Variants in HS2ST1 observed in about 807,000 individuals in gnomAD.
HS2ST1 encodes the protein 2-O-sulfotransferase.
In HS2ST1, 18 loss-of-function variants were observed where a neutral mutation model predicts 42.9. That is an observed-to-expected ratio of 0.42 (90% CI 0.29 to 0.62). HS2ST1 has a LOEUF of 0.62. Ranked by LOEUF, HS2ST1 falls within the 20% of genes least tolerant of loss-of-function variation. HS2ST1 has a pLI of 0.21. For missense variants in HS2ST1, 334 were observed against 433.8 expected (o/e 0.77, Z 2.04); for synonymous variants, 146 against 152.9 (o/e 0.95, Z 0.33).
intron 1 of HS2ST1, among the ~76,000 whole-genome samples, chr1:86,944,924 T>C (rs1253355561): frequency 1.3e-5 from 2 of 151,978 alleles, no homozygotes; most frequent in East Asian, 3.8e-4. Flanking sequence ...CCATTGTACG[T>C]TTAGCTTCAA....
intron 1 of HS2ST1, among the ~76,000 whole-genome samples, chr1:86,988,954 G>A (rs554278877): frequency 6.6e-6 from 1 of 152,302 alleles, no homozygotes; most frequent in East Asian, 1.9e-4. Context: ...GTATCACCCC[G>A]TATTCCTATA....
chr1:86,989,750 G>A (rs1648889364), intron 1 of HS2ST1, among the ~76,000 whole-genome samples: 2 of 152,104 alleles, frequency 1.3e-5, no homozygotes, highest in Non-Finnish European at 2.9e-5. Context: ...GCCCCAGTGT[G>A]TGATATTCCC....
intron 1 of HS2ST1, among the ~76,000 whole-genome samples, chr1:86,931,764 A>T (rs952164661): frequency 6.6e-6 from 1 of 152,086 alleles, no homozygotes. Context: ...ATTTTGACAT[A>T]ATTTAACATC....
intron 1 of HS2ST1, among the ~76,000 whole-genome samples, chr1:86,919,775 A>G (rs1046570750): frequency 6.6e-5 from 10 of 152,044 alleles, no homozygotes; most frequent in Non-Finnish European, 1.0e-4. Context: ...TTTTGTTTTT[A>G]GTAACATAAC....
At chr1:86,923,956 C>G (rs915638031) in intron 1 of HS2ST1, among the ~76,000 whole-genome samples, 3 of 152,172 alleles carry the variant, frequency 2.0e-5, no homozygotes, top group Admixed American at 2.0e-4. Flanking sequence ...CTCATTTCAA[C>G]ATTAACTCAA....
intron 5 of HS2ST1, among the ~76,000 whole-genome samples, chr1:87,100,345 C>G (rs1171128621): frequency 6.6e-6 from 1 of 152,182 alleles, no homozygotes; most frequent in African/African-American, 2.4e-5. Context: ...TATACCTGGA[C>G]TCCTTTGAGC....
chr1:86,966,569 C>G (rs986603021), intron 1 of HS2ST1, among the ~76,000 whole-genome samples: 24 of 152,142 alleles, frequency 1.6e-4, no homozygotes, highest in Admixed American at 1.4e-3. Context: ...TTAATATGAA[C>G]TTGTTGAATA....
intron 1 of HS2ST1, among the ~76,000 whole-genome samples, chr1:86,936,689 G>A (rs1294852605): frequency 3.9e-5 from 6 of 152,048 alleles, no homozygotes; most frequent in Non-Finnish European, 5.9e-5. Context: ...TACTCATTTT[G>A]CATTTAACCG....
intron 1 of HS2ST1, among the ~76,000 whole-genome samples, chr1:87,058,222 G>A (rs1327442710): frequency 6.6e-6 from 1 of 151,526 alleles, no homozygotes; most frequent in Non-Finnish European, 1.5e-5. Flanking sequence ...CTCTATATGA[G>A]TATCTCCAGA....
At chr1:86,918,355 G>A (rs1263507237) in intron 1 of HS2ST1, among the ~76,000 whole-genome samples, 1 of 152,022 alleles carries the variant, frequency 6.6e-6, no homozygotes. Flanking sequence ...ACATATAGAT[G>A]TGACTTACTC....
intron 2 of HS2ST1, among the ~76,000 whole-genome samples, chr1:87,080,062 A>G (rs1226923945): frequency 6.6e-6 from 1 of 152,038 alleles, no homozygotes; most frequent in African/African-American, 2.4e-5. Flanking sequence ...GAAAGAAAAA[A>G]CAAATAGATT....
intron 2 of HS2ST1, among the ~76,000 whole-genome samples, chr1:87,080,706 C>T (rs11590936): frequency 0.14 from 21,062 of 152,108 alleles, 1,631 homozygotes; most frequent in African/African-American, 0.2. Flanking sequence ...CTATACCACC[C>T]CTCCTCCATT....
chr1:86,933,393 G>T (rs538449182), intron 1 of HS2ST1, among the ~76,000 whole-genome samples: 1 of 152,098 alleles, frequency 6.6e-6, no homozygotes, highest in Admixed American at 6.6e-5. Flanking sequence ...TTCTATCAAC[G>T]TATCTTCAAG....
At chr1:86,977,913 A>G (rs1648468959) in intron 1 of HS2ST1, among the ~76,000 whole-genome samples, 1 of 152,254 alleles carries the variant, frequency 6.6e-6, no homozygotes, top group African/African-American at 2.4e-5. Flanking sequence ...CATGTACCAC[A>G]TAAGGATGTT....
chr1:86,946,695 A>G (rs1647350402), intron 1 of HS2ST1, among the ~76,000 whole-genome samples: 1 of 152,174 alleles, frequency 6.6e-6, no homozygotes, highest in African/African-American at 2.4e-5. Context: ...AATAGGCAAA[A>G]TATTCTTGTG....
intron 1 of HS2ST1, among the ~76,000 whole-genome samples, chr1:86,920,461 G>C (rs1256903663): frequency 6.6e-6 from 1 of 152,042 alleles, no homozygotes; most frequent in East Asian, 1.9e-4. Flanking sequence ...TGAGGACTTT[G>C]GGTTAATAGG....
intron 1 of HS2ST1, among the ~76,000 whole-genome samples, chr1:86,984,542 TC>T (rs1302175755): frequency 1.3e-5 from 2 of 152,184 alleles, no homozygotes; most frequent in Non-Finnish European, 2.9e-5. Flanking sequence ...CTGAGCTTAA[TC>T]GTGTTTTCTT....
At chr1:87,047,976 C>T (rs968954926) in intron 1 of HS2ST1, among the ~76,000 whole-genome samples, 9 of 152,184 alleles carry the variant, frequency 5.9e-5, no homozygotes, top group Middle Eastern at 3.4e-3. Context: ...CAAAAAGTGT[C>T]CTGGGATTTT....
In HS2ST1 at chr1:87,107,444, T is replaced by C. The variant is rs915187618; in HGVS notation, c.*2748T>C. 2 of 152,054 alleles carry C rather than the reference T, an allele frequency of 1.3e-5. No homozygotes were observed. The highest frequency in any genetic ancestry group is 2.9e-5 in the Non-Finnish European group (2 of 67,946). The allele number at this position is 152,054 out of a possible 1,614,324, so 9.4% of individuals were successfully genotyped here. A position where few individuals can be genotyped will look rare whatever the true frequency, so the allele number is the denominator to read the frequency against. ...AGGTCCAGTACAGTACTAGGAGTCA[T>C]AATACTTTATAATCAATTAAATAAA... is the stretch of plus-strand genomic sequence containing the variant. On this transcript the variant is annotated 3_prime_UTR_variant, in exon 7 of 7. Coordinates refer to ENST00000370550, the MANE Select transcript of HS2ST1 (RefSeq NM_012262.4).
Sources: allele counts gnomAD v4.1 joint callset (sites outside exome capture counted in the v4.1 genomes callset), GRCh38; gene constraint gnomAD v4.1.1; transcripts MANE v1.5; gene names NCBI Gene and HGNC (gene_info 2026-07-23, HGNC 2026-07-21).